Variants in PRKCQ observed in about 807,000 individuals in gnomAD.
PRKCQ encodes protein kinase C theta type.
A neutral mutation model predicts 91.2 loss-of-function variants in PRKCQ; 41 were observed. The observed-to-expected ratio is 0.45, with a 90% confidence interval of 0.35 to 0.58. The LOEUF is 0.58. PRKCQ is among the 20% of genes least tolerant of loss of function. The probability of loss-of-function intolerance (pLI) is 0.00; values close to 1 mark genes in which losing one functional copy is unlikely to be tolerated. For missense variants in PRKCQ, 673 were observed against 896.5 expected, an observed-to-expected ratio of 0.75 and a Z score of 3.18; for synonymous variants, 307 against 316.9, an observed-to-expected ratio of 0.97 and a Z score of 0.33.
intron 8 of PRKCQ, chr10:6,489,280 G>T: frequency 2.2e-6 from 1 of 464,574 alleles, no homozygotes; most frequent in Non-Finnish European, 4.5e-6. Flanking sequence ...TAGAGGGATG[G>T]AGTTTTACTT....
chr10:6,468,802 G>A (rs1265857499), intron 12 of PRKCQ, among the ~76,000 whole-genome samples: 1 of 152,126 alleles, frequency 6.6e-6, no homozygotes, highest in African/African-American at 2.4e-5. Flanking sequence ...TTAAGGACAC[G>A]TAACAAATGT....
At chr10:6,424,695 TCTC>T, downstream of PRKCQ, among the ~76,000 whole-genome samples, 1 of 152,200 alleles carries the variant, frequency 6.6e-6, no homozygotes, top group Middle Eastern at 3.4e-3. Flanking sequence ...CATTTCTTCT[TCTC>T]TGGCTGATTT....
At chr10:6,414,248 C>A in the PRKCQ span, among the ~76,000 whole-genome samples, 1 of 152,170 alleles carries the variant, frequency 6.6e-6, no homozygotes, top group Non-Finnish European at 1.5e-5. Flanking sequence ...GTGGGGAAAA[C>A]TACCCTTAGA....
upstream of PRKCQ, chr10:6,580,285 ACTGGCGGGGCTGGCGGGGC>A (rs1841427748): frequency 2.9e-5 from 1 of 34,612 alleles, no homozygotes; most frequent in Non-Finnish European, 7.1e-5. Flanking sequence ...CTGCGCGGGG[ACTGGCGGGGCTGGCGGGGC>A]TGGCGGGGCT....
chr10:6,533,880 C>T (rs1382955918), intron 1 of PRKCQ, among the ~76,000 whole-genome samples: 1 of 152,102 alleles, frequency 6.6e-6, no homozygotes, highest in Non-Finnish European at 1.5e-5. Flanking sequence ...AGATATTCAT[C>T]CAGAAATAAA....
intron 1 of PRKCQ, among the ~76,000 whole-genome samples, chr10:6,540,936 A>G (rs1839754979): frequency 6.6e-6 from 1 of 152,098 alleles, no homozygotes; most frequent in Non-Finnish European, 1.5e-5. Flanking sequence ...TGTGAAGCAG[A>G]GCTTATTGAT....
At chr10:6,535,031 C>T (rs1444568142) in intron 1 of PRKCQ, among the ~76,000 whole-genome samples, 1 of 152,004 alleles carries the variant, frequency 6.6e-6, no homozygotes, top group Non-Finnish European at 1.5e-5. Context: ...GAATTGTTCC[C>T]ATTATAAAGA....
At chr10:6,443,009 C>A (rs1011093450) in intron 15 of PRKCQ, among the ~76,000 whole-genome samples, 1 of 152,116 alleles carries the variant, frequency 6.6e-6, no homozygotes, top group Admixed American at 6.6e-5. Flanking sequence ...AATGAAAGAT[C>A]TCTAAGAGCT....
At chr10:6,575,836 T>G (rs1841209934) in intron 1 of PRKCQ, among the ~76,000 whole-genome samples, 1 of 152,084 alleles carries the variant, frequency 6.6e-6, no homozygotes, top group African/African-American at 2.4e-5. Context: ...GGTCAAGAGA[T>G]CGAGACCATC....
chr10:6,547,048 A>G (rs1001355307), intron 1 of PRKCQ, among the ~76,000 whole-genome samples: 1 of 152,132 alleles, frequency 6.6e-6, no homozygotes, highest in African/African-American at 2.4e-5. Flanking sequence ...TGATTTGCGT[A>G]TATTGAACCA....
At chr10:6,434,174 A>T (rs1028914218) in intron 16 of PRKCQ, among the ~76,000 whole-genome samples, 9 of 152,142 alleles carry the variant, frequency 5.9e-5, no homozygotes, top group African/African-American at 2.2e-4. Context: ...TAGATGGCGT[A>T]AGTGTCTCAG....
chr10:6,548,560 A>G (rs1317317053), intron 1 of PRKCQ, among the ~76,000 whole-genome samples: 1 of 148,468 alleles, frequency 6.7e-6, no homozygotes, highest in Non-Finnish European at 1.5e-5. Flanking sequence ...GCCATAAAAA[A>G]TGATGAGTTC....
intron 4 of PRKCQ, among the ~76,000 whole-genome samples, chr10:6,502,230 C>T (rs1837955371): frequency 6.6e-6 from 1 of 152,142 alleles, no homozygotes; most frequent in Non-Finnish European, 1.5e-5. Context: ...GAAACTATAC[C>T]AGCTAAGGCA....
intron 14 of PRKCQ, among the ~76,000 whole-genome samples, chr10:6,457,805 C>T (rs1217131348): frequency 6.6e-6 from 1 of 152,152 alleles, no homozygotes; most frequent in Non-Finnish European, 1.5e-5. Flanking sequence ...CAGTAATGCC[C>T]AATATTGAGT....
At chr10:6,490,172 G>A (rs931278398) in intron 8 of PRKCQ, among the ~76,000 whole-genome samples, 2 of 152,064 alleles carry the variant, frequency 1.3e-5, no homozygotes, top group South Asian at 2.1e-4. Flanking sequence ...GCTAATGTTG[G>A]CCTCCTGTGA....
intron 2 of PRKCQ, among the ~76,000 whole-genome samples, chr10:6,514,465 A>G (rs1413826700): frequency 1.3e-5 from 2 of 152,308 alleles, no homozygotes; most frequent in East Asian, 3.9e-4. Flanking sequence ...AGCTGCCTGT[A>G]TTTGAACTTG....
chr10:6,462,412 G>A (rs182583469), intron 13 of PRKCQ, 47 bp from the exon 14 acceptor site: 46 of 1,583,338 alleles, frequency 2.9e-5, no homozygotes, highest in East Asian at 1.6e-4. Flanking sequence ...GTCATGGAAC[G>A]AAATAAAATC....
intron 15 of PRKCQ, among the ~76,000 whole-genome samples, chr10:6,450,798 A>G (rs1037262080): frequency 1.3e-5 from 2 of 152,188 alleles, no homozygotes; most frequent in African/African-American, 4.8e-5. Context: ...AACTGTGTGG[A>G]AACTGAACAA....
intron 14 of PRKCQ, among the ~76,000 whole-genome samples, chr10:6,457,793 C>G (rs1424834292): frequency 6.6e-6 from 1 of 152,184 alleles, no homozygotes; most frequent in Non-Finnish European, 1.5e-5. Flanking sequence ...ATAGTTTCAT[C>G]ACAGTAATGC....
Sources: gnomAD v4.1 joint callset for allele counts (sites outside exome capture counted in the v4.1 genomes callset) on GRCh38, gnomAD v4.1.1 for gene constraint, MANE v1.5 for transcripts, NCBI Gene and HGNC (gene_info 2026-07-23, HGNC 2026-07-21) for gene names.